AMBRA1: variants seen among roughly 807,000 people sequenced by gnomAD.
AMBRA1 encodes the protein autophagy and beclin 1 regulator 1, also known as activating molecule in BECN1-regulated autophagy protein 1.
In AMBRA1, 47 loss-of-function variants were observed where a neutral mutation model predicts 125.4. The observed-to-expected ratio is 0.37, with a 90% CI of 0.30 to 0.48. The LOEUF (loss-of-function observed/expected upper bound fraction) is 0.48, where lower values mean the gene tolerates loss of function less well. AMBRA1 is among the 20% of genes least tolerant of loss of function. The pLI, the probability that AMBRA1 is intolerant of heterozygous loss-of-function variation, is 0.99. For synonymous variants in AMBRA1, 626 were observed against 655.5 expected, an observed-to-expected ratio of 0.95 and a Z score of 0.69; for missense variants, 1,331 against 1,693.4, an observed-to-expected ratio of 0.79 and a Z score of 3.76.
chr11:46,498,547 T>C (rs1020435568), intron 9 of AMBRA1, among the ~76,000 whole-genome samples: 1 of 152,158 alleles, frequency 6.6e-6, no homozygotes, highest in Non-Finnish European at 1.5e-5. Context: ...CCAAAATAAG[T>C]GCTGAATACA....
chr11:46,420,310 G>A (rs1287142038), intron 14 of AMBRA1, among the ~76,000 whole-genome samples: 4 of 152,166 alleles, frequency 2.6e-5, no homozygotes, highest in African/African-American at 2.4e-5. Context: ...AATTTCTCTC[G>A]TAGTTATCTG....
At chr11:46,540,100 T>C (rs1374958048) in intron 7 of AMBRA1, among the ~76,000 whole-genome samples, 1 of 152,132 alleles carries the variant, frequency 6.6e-6, no homozygotes, top group Non-Finnish European at 1.5e-5. Context: ...CCAAAGTTCT[T>C]GGATGACAGG....
rs556879376 is a variant in AMBRA1, at chr11:46,507,671, T to C, written c.2339+520A>G. On this transcript the variant is annotated intron_variant, in intron 9 of 17. Coordinates refer to ENST00000683756, the MANE Select transcript of AMBRA1 (RefSeq NM_001387011.1). ...AAGGTTCCTGAATGGGGGGTAAGAG[T>C]AGGGAGACCAAAAAAGTTTAGGCAA... Among the ~76,000 whole-genome samples, 8 of 151,946 alleles carry C rather than the reference T, an allele frequency of 5.3e-5. No homozygotes were observed. The South Asian group carries it at 1.7e-3, about 32-fold the overall frequency.
chr11:46,418,763 G>C (rs1946699267), intron 14 of AMBRA1, among the ~76,000 whole-genome samples: 1 of 152,078 alleles, frequency 6.6e-6, no homozygotes, highest in African/African-American at 2.4e-5. Context: ...GAAATACTAG[G>C]GGACTCTATG....
chr11:46,498,980 G>A (rs1950736301), intron 9 of AMBRA1, among the ~76,000 whole-genome samples: 1 of 152,158 alleles, frequency 6.6e-6, no homozygotes, highest in African/African-American at 2.4e-5. Flanking sequence ...TAGAAACTGA[G>A]GCCCCAGTCT....
intron 14 of AMBRA1, among the ~76,000 whole-genome samples, chr11:46,423,573 A>T (rs970098882): frequency 7.3e-5 from 11 of 150,498 alleles, no homozygotes; most frequent in Non-Finnish European, 1.6e-4. Context: ...TTGTATTTTT[A>T]GTAGAGACGG....
intron 9 of AMBRA1, among the ~76,000 whole-genome samples, chr11:46,504,844 C>T (rs1270330018): frequency 1.3e-5 from 2 of 152,218 alleles, no homozygotes; most frequent in Admixed American, 6.5e-5. Context: ...AACTCAGACA[C>T]TAAATATGCT....
chr11:46,472,170 G>A (rs1005812788), intron 11 of AMBRA1, among the ~76,000 whole-genome samples: 2 of 152,162 alleles, frequency 1.3e-5, no homozygotes, highest in Non-Finnish European at 2.9e-5. Context: ...TGCTGTGACC[G>A]CTTCTATTTA....
At chr11:46,418,525 T>G (rs1439776498) in intron 14 of AMBRA1, among the ~76,000 whole-genome samples, 1 of 151,756 alleles carries the variant, frequency 6.6e-6, no homozygotes, top group Non-Finnish European at 1.5e-5. Flanking sequence ...ACATTAGGTA[T>G]ATCTTCTAAT....
chr11:46,457,095 T>A (rs1948881975), intron 11 of AMBRA1, among the ~76,000 whole-genome samples: 3 of 152,216 alleles, frequency 2.0e-5, no homozygotes, highest in Non-Finnish European at 2.9e-5. Context: ...TCAGCACCTG[T>A]ACATTTCAGG....
At chr11:46,575,545 C>T in intron 1 of AMBRA1, among the ~76,000 whole-genome samples, 2 of 113,638 alleles carry the variant, frequency 1.8e-5, no homozygotes, top group Admixed American at 1.2e-4. Flanking sequence ...GAGACAGAGT[C>T]TCACTCCGTC....
chr11:46,445,490 A>G (rs1227559218), intron 11 of AMBRA1, among the ~76,000 whole-genome samples: 1 of 152,148 alleles, frequency 6.6e-6, no homozygotes, highest in Non-Finnish European at 1.5e-5. Context: ...TTTAATAATT[A>G]TATCTGACTT....
chr11:46,496,225 A>T (rs1950625136), intron 9 of AMBRA1, among the ~76,000 whole-genome samples: 1 of 151,890 alleles, frequency 6.6e-6, no homozygotes. Context: ...AAAAAAAAAA[A>T]TACAAAAAAT....
At chr11:46,534,213 C>A (rs1235313759) in intron 7 of AMBRA1, among the ~76,000 whole-genome samples, 1 of 150,856 alleles carries the variant, frequency 6.6e-6, no homozygotes, top group East Asian at 1.9e-4. Flanking sequence ...CTGGTGCCAG[C>A]CAGGTGCGGT....
intron 7 of AMBRA1, among the ~76,000 whole-genome samples, chr11:46,534,349 G>A (rs771643408): frequency 6.6e-6 from 1 of 151,762 alleles, no homozygotes; most frequent in Admixed American, 6.6e-5. Flanking sequence ...AGAAAAGTTA[G>A]CCAGGCGTGG....
intron 1 of AMBRA1, among the ~76,000 whole-genome samples, chr11:46,548,867 T>C (rs1366767587): frequency 1.3e-5 from 2 of 152,160 alleles, no homozygotes; most frequent in African/African-American, 4.8e-5. Context: ...GGCAGGCACC[T>C]GTAATCCCAG....
intron 1 of AMBRA1, among the ~76,000 whole-genome samples, chr11:46,550,640 C>G (rs1000510617): frequency 3.3e-5 from 5 of 152,066 alleles, no homozygotes; most frequent in Admixed American, 2.6e-4. Context: ...CTTTCTTGTA[C>G]AAATAATAAA....
intron 1 of AMBRA1, among the ~76,000 whole-genome samples, chr11:46,568,803 C>CTTTTTTTTTTTTTTTT (rs774631588): frequency 1.9e-4 from 18 of 96,478 alleles, no homozygotes; most frequent in African/African-American, 8.3e-4. Flanking sequence ...TCAACCCTAC[C>CTTTTTTTTTTTTTTTT]TTTTTTTTTT....
chr11:46,463,458 A>G (rs1032692749), intron 11 of AMBRA1, among the ~76,000 whole-genome samples: 1 of 152,214 alleles, frequency 6.6e-6, no homozygotes, highest in Non-Finnish European at 1.5e-5. Context: ...CCACTTGAAT[A>G]TATCTGACTT....
Sources: allele counts gnomAD v4.1 joint callset (sites outside exome capture counted in the v4.1 genomes callset), GRCh38; gene constraint gnomAD v4.1.1; transcripts MANE v1.5; gene names NCBI Gene and HGNC (gene_info 2026-07-23, HGNC 2026-07-21).